The following PIEZO2 variants were observed in gnomAD, a reference collection of about 807,000 sequenced individuals.
The protein encoded by PIEZO2 is piezo type mechanosensitive ion channel component 2.
In PIEZO2, 172 loss-of-function variants were observed where a neutral mutation model predicts 337.3. The observed-to-expected ratio is 0.51, with a 90% CI of 0.45 to 0.58. PIEZO2 has a LOEUF of 0.58. PIEZO2 is among the 20% of genes least tolerant of loss of function. The pLI is 0.00. For synonymous variants in PIEZO2, 1,251 were observed against 1,228.5 expected (o/e 1.02, Z -0.38); for missense variants, 3,028 against 3,391.3 (o/e 0.89, Z 2.66).
intron 7 of PIEZO2, among the ~76,000 whole-genome samples, chr18:10,808,487 C>G (rs968429077): frequency 6.6e-6 from 1 of 152,198 alleles, no homozygotes; most frequent in Non-Finnish European, 1.5e-5. Context: ...CTTGTAAAAT[C>G]TCTCAGGGTG....
intron 4 of PIEZO2, among the ~76,000 whole-genome samples, chr18:10,910,089 C>A (rs1182338104): frequency 1.2e-4 from 18 of 152,190 alleles, no homozygotes; most frequent in Non-Finnish European, 2.5e-4. Flanking sequence ...CTGTCAGCTT[C>A]ATCAATACAG....
At chr18:11,120,030 A>G (rs930286477) in intron 1 of PIEZO2, among the ~76,000 whole-genome samples, 1 of 152,236 alleles carries the variant, frequency 6.6e-6, no homozygotes, top group Non-Finnish European at 1.5e-5. Flanking sequence ...ATCAGTCTCC[A>G]TCCATCAGAA....
chr18:11,076,807 C>G (rs2145964685), intron 1 of PIEZO2, among the ~76,000 whole-genome samples: 1 of 152,256 alleles, frequency 6.6e-6, no homozygotes, highest in East Asian at 1.9e-4. Flanking sequence ...ACTGAGTTTT[C>G]TAAATTCATC....
At position 11,101,383 on chromosome 18, in the gene PIEZO2, C is replaced by T. The variant is rs554025500; in HGVS notation, c.65-35161G>A. Among the ~76,000 whole-genome samples, 12 of 152,340 alleles carry T rather than the reference C, an allele frequency of 7.9e-5. No individual in the cohort carries two copies. Among genetic ancestry groups the T allele is most frequent in the East Asian group, 3.9e-4 (2 of 5,186 alleles). On this transcript the variant is annotated intron_variant, in intron 1 of 55. Coordinates refer to ENST00000674853, the MANE Select transcript of PIEZO2 (RefSeq NM_001378183.1). The surrounding 1 kb of genome is among the most constrained non-coding windows in gnomAD (Gnocchi z 4.4). The stretch of plus-strand genomic sequence containing the variant: ...TCTCAGAGGGCCCCAGGAGCAGAAA[C>T]GGAAGTGGTTCCCTTAAAGTTATAG...
chr18:10,804,414 A>G (rs1302757396), intron 8 of PIEZO2, among the ~76,000 whole-genome samples: 1 of 152,252 alleles, frequency 6.6e-6, no homozygotes, highest in East Asian at 1.9e-4. Context: ...TAGAGCTCAC[A>G]CAGCACTAAG....
rs1358662454 is a variant in PIEZO2, at chr18:11,109,531, G to A, written c.64+38994C>T. Among the ~76,000 whole-genome samples the A allele has an allele frequency of 3.5e-5, 5 of 141,142 alleles. No individual in the cohort carries two copies. The highest frequency in any genetic ancestry group is 1.4e-4 in the African/African-American group (5 of 36,928). The allele number at this position is 141,142 out of a possible 152,430, so 92.6% of individuals were successfully genotyped here. On this transcript the variant is annotated intron_variant, in intron 1 of 55. Coordinates refer to ENST00000674853, the MANE Select transcript of PIEZO2 (RefSeq NM_001378183.1). This position sits in a 1 kb window ranked among gnomAD's most constrained non-coding sequence, Gnocchi z 5.1. ...AGGGGTTTGAGACGACCCTGGCCAAGATGGCGAAACCCCGTCTCTACTGAA... is the reference window on the plus strand; with the variant it reads ...AGGGGTTTGAGACGACCCTGGCCAAAATGGCGAAACCCCGTCTCTACTGAA...
intron 2 of PIEZO2, among the ~76,000 whole-genome samples, chr18:11,042,254 C>T (rs1222019134): frequency 6.6e-6 from 1 of 152,180 alleles, no homozygotes; most frequent in Non-Finnish European, 1.5e-5. Context: ...ATCTAGCCCT[C>T]GTCCCCACAG....
At chr18:10,822,694 A>C (rs1243389166) in intron 7 of PIEZO2, among the ~76,000 whole-genome samples, 2 of 152,122 alleles carry the variant, frequency 1.3e-5, no homozygotes, top group Admixed American at 1.3e-4. Flanking sequence ...GGCTCACCAC[A>C]TTTCCTGTTA....
At chr18:11,011,644 A>G (rs1032363619) in intron 2 of PIEZO2, among the ~76,000 whole-genome samples, 1 of 152,224 alleles carries the variant, frequency 6.6e-6, no homozygotes, top group South Asian at 2.1e-4. Flanking sequence ...CTATTTTTCT[A>G]TCATATTCAT....
At chr18:10,817,494 G>T (rs573259022) in intron 7 of PIEZO2, among the ~76,000 whole-genome samples, 1 of 152,174 alleles carries the variant, frequency 6.6e-6, no homozygotes, top group South Asian at 2.1e-4. Flanking sequence ...GCACAATCTT[G>T]TTCATAAAAA....
intron 49 of PIEZO2, among the ~76,000 whole-genome samples, chr18:10,688,009 T>A (rs559881928): frequency 1.3e-5 from 2 of 152,376 alleles, no homozygotes; most frequent in African/African-American, 4.8e-5. Flanking sequence ...TTTATTTTAC[T>A]TTAAGTTCCA....
At position 10,911,018 on chromosome 18, in the gene PIEZO2, C is replaced by T. The variant is rs1598670606; in HGVS notation, c.329+168G>A. ...AGGCAAGGCTTTATGAAGTAATGCT[C>T]TACAAAGAAACTGAGGCTCGGAGGG... On this transcript the variant is annotated intron_variant, in intron 4 of 55. Coordinates refer to ENST00000674853, the MANE Select transcript of PIEZO2 (RefSeq NM_001378183.1). 4.0e-5 allele frequency among the ~76,000 whole-genome samples: 6 copies of T among 150,584 alleles called. No individual in the cohort carries two copies. The Admixed American group carries it at 4.0e-4, about 10-fold the overall frequency.
chr18:10,878,592 T>G lies in PIEZO2; in HGVS notation c.330-7177A>C, dbSNP rs1230606585. Among the ~76,000 whole-genome samples the G allele has an allele frequency of 1.3e-5, 2 of 152,182 alleles. No individual in the cohort carries two copies. The highest frequency in any genetic ancestry group is 4.8e-5 in the African/African-American group (2 of 41,444). On this transcript the variant is annotated intron_variant, in intron 4 of 55. Transcript: ENST00000674853. This position sits in a 1 kb window ranked among gnomAD's most constrained non-coding sequence, Gnocchi z 4.3. Reference sequence around the variant, plus strand: ...TATTTCAAAAACAAAAGAAATGAAGTGTATCTAATGAACATTAAATGGCTC... The same window carrying G: ...TATTTCAAAAACAAAAGAAATGAAGGGTATCTAATGAACATTAAATGGCTC...
At chr18:10,731,192 T>G (rs999512983) in intron 36 of PIEZO2, among the ~76,000 whole-genome samples, 8 of 62,722 alleles carry the variant, frequency 1.3e-4, no homozygotes, top group African/African-American at 2.8e-4. Context: ...TATATATATA[T>G]ATATATATAT....
intron 5 of PIEZO2, among the ~76,000 whole-genome samples, chr18:10,868,603 A>C (rs1244726817): frequency 6.6e-6 from 1 of 152,226 alleles, no homozygotes; most frequent in Admixed American, 6.5e-5. Context: ...GTCCCTAATA[A>C]ATAATGTTTA....
At chr18:10,939,852 C>T (rs577257592) in intron 3 of PIEZO2, among the ~76,000 whole-genome samples, 3 of 151,996 alleles carry the variant, frequency 2.0e-5, no homozygotes, top group South Asian at 2.1e-4. Flanking sequence ...AGTTGATAGG[C>T]GCAGCAAACC....
chr18:11,037,344 G>A (rs1429267899), intron 2 of PIEZO2, among the ~76,000 whole-genome samples: 2 of 152,178 alleles, frequency 1.3e-5, no homozygotes, highest in Admixed American at 6.5e-5. Flanking sequence ...CGTAAGAGGA[G>A]AGAAGAAACA....
chr18:11,066,143 T>C lies in PIEZO2; in HGVS notation c.144A>G (p.Thr48=). The change falls in exon 2 of 56, where the codon ACA becomes ACG. Residue 48 remains threonine (T), a synonymous_variant. Transcript: ENST00000674853. The part of the protein sequence containing the change: ...LLLIPLFSEP[T]KTTMQGHTGR... ...TTCTCTTACCTTGCATCGTCGTTTT[T>C]GTTGGTTCTGAGAACAGAGGAATGA... 1 of 1,535,452 alleles carries C rather than the reference T, an allele frequency of 6.5e-7. No homozygotes were observed. The highest frequency in any genetic ancestry group is 8.7e-7 in the Non-Finnish European group (1 of 1,145,312).
rs1279030636 is a variant in PIEZO2 at position 10,761,007 on chromosome 18, A to G, written c.3354T>C (p.Thr1118=). 5.9e-6 allele frequency: 9 copies of G among 1,534,628 alleles called. No homozygotes were observed. Among genetic ancestry groups the G allele is most frequent in the Non-Finnish European group, 7.9e-6 (9 of 1,144,482 alleles). ...GTAGTCTTGTAATGTCATGAAAGAT[A>G]GTTCTAGACACAGGGGCCGTCAGGT... ...RNNLTAPVSR[T]IFHDITRLHL... The change falls in exon 24 of 56, where the codon ACT becomes ACC. Residue 1118 remains threonine, a synonymous_variant. Coordinates refer to ENST00000674853, the MANE Select transcript of PIEZO2 (RefSeq NM_001378183.1).
Sources: allele counts gnomAD v4.1 joint callset (sites outside exome capture counted in the v4.1 genomes callset), GRCh38; gene constraint gnomAD v4.1.1; non-coding constraint Gnocchi (gnomAD v3.1); transcripts MANE v1.5; gene names NCBI Gene and HGNC (gene_info 2026-07-23, HGNC 2026-07-21).